CENPP: variants seen among roughly 807,000 people sequenced by gnomAD.
The protein encoded by CENPP is centromere protein P.
CENPP carries 24 observed loss-of-function variants against 35.6 expected under a neutral mutation model. The ratio of observed to expected loss-of-function variants is 0.67; its 90% CI spans 0.49 to 0.95. CENPP has a LOEUF of 0.95. CENPP is among the 40% of genes least tolerant of loss of function. CENPP has a pLI of 0.00. For missense variants in CENPP, 332 were observed against 345.3 expected, an observed-to-expected ratio of 0.96 and a Z score of 0.31; for synonymous variants, 120 against 125.5, an observed-to-expected ratio of 0.96 and a Z score of 0.29.
intron 5 of CENPP, chr9:92,501,075 A>G: frequency 4.4e-6 from 7 of 1,607,542 alleles, no homozygotes; most frequent in Non-Finnish European, 6.0e-6. Context: ...AAAAAAGTAA[A>G]CAGGGTAGGG....
At chr9:92,388,973 T>G (rs1449197346) in intron 5 of CENPP, among the ~76,000 whole-genome samples, 2 of 152,170 alleles carry the variant, frequency 1.3e-5, no homozygotes, top group African/African-American at 4.8e-5. Flanking sequence ...GATACCTTAA[T>G]TGTAATGAAA....
At chr9:92,487,053 ATT>A (rs1846076079) in intron 5 of CENPP, among the ~76,000 whole-genome samples, 1 of 152,198 alleles carries the variant, frequency 6.6e-6, no homozygotes, top group African/African-American at 2.4e-5. Context: ...AAGCGCTAGG[ATT>A]ACAGGTGTGC....
chr9:92,470,588 C>A, intron 5 of CENPP: 1 of 722,530 alleles, frequency 1.4e-6, no homozygotes, highest in Non-Finnish European at 2.1e-6. Context: ...CTTGTTTATA[C>A]TAACATAGTA....
rs185117251 is a variant in CENPP at position 92,407,832 on chromosome 9, C to T, written c.564+27973C>T. On this transcript the variant is annotated intron_variant, in intron 5 of 7. Transcript: ENST00000375587. ...CCTCTTATGTTACCCAGGCTGGTCT[C>T]GAACTTTTGACCTAAAGTGATCCAC... Among the ~76,000 whole-genome samples, 156 of 152,242 alleles carry T rather than the reference C, an allele frequency of 1.0e-3. 1 individual carries two copies. The highest frequency in any genetic ancestry group is 3.4e-3 in the Middle Eastern group (1 of 294).
intron 5 of CENPP, among the ~76,000 whole-genome samples, chr9:92,439,750 G>A (rs1535756): frequency 0.36 from 55,270 of 151,606 alleles, 12,318 homozygotes; most frequent in African/African-American, 0.63. Flanking sequence ...AGTCTTATTG[G>A]TCTGATCCCC....
chr9:92,382,956 T>C (rs1174899998), intron 5 of CENPP, among the ~76,000 whole-genome samples: 2 of 144,982 alleles, frequency 1.4e-5, no homozygotes, highest in Non-Finnish European at 3.0e-5. Context: ...TAGAGTGCAG[T>C]GATGCGATCT....
At chr9:92,492,642 C>T (rs181978870) in intron 5 of CENPP, among the ~76,000 whole-genome samples, 22 of 152,238 alleles carry the variant, frequency 1.4e-4, no homozygotes, top group Admixed American at 2.6e-4. Flanking sequence ...TGCCCTATAC[C>T]CTCCGGTTGA....
chr9:92,353,899 G>A (rs1588053478), intron 4 of CENPP, among the ~76,000 whole-genome samples: 1 of 152,182 alleles, frequency 6.6e-6, no homozygotes, highest in South Asian at 2.1e-4. Flanking sequence ...AGCATACATG[G>A]CCTTCTGGAG....
At chr9:92,486,099 G>A (rs1846051393) in intron 5 of CENPP, among the ~76,000 whole-genome samples, 1 of 152,174 alleles carries the variant, frequency 6.6e-6, no homozygotes, top group Non-Finnish European at 1.5e-5. Context: ...CAGGATAGGG[G>A]TGGGGGTGTC....
At chr9:92,408,514 C>T (rs1167908444) in intron 5 of CENPP, among the ~76,000 whole-genome samples, 2 of 152,156 alleles carry the variant, frequency 1.3e-5, no homozygotes, top group African/African-American at 4.8e-5. Context: ...CATGAACCTT[C>T]CCCTGACCTT....
At chr9:92,393,807 C>G (rs550098099) in intron 5 of CENPP, among the ~76,000 whole-genome samples, 1 of 147,904 alleles carries the variant, frequency 6.8e-6, no homozygotes, top group African/African-American at 2.5e-5. Context: ...GTTTAGTTTT[C>G]TTTTTCAGGG....
intron 5 of CENPP, among the ~76,000 whole-genome samples, chr9:92,607,330 T>G (rs1051769886): frequency 3.9e-5 from 6 of 152,192 alleles, no homozygotes; most frequent in African/African-American, 1.4e-4. Context: ...CAGAGTGTCT[T>G]TCAAAACAGA....
intron 5 of CENPP, chr9:92,424,545 C>CA (rs1325500816): frequency 3.3e-5 from 5 of 152,116 alleles, no homozygotes; most frequent in Admixed American, 2.6e-4. Flanking sequence ...GAAAGGCAAA[C>CA]AAAACTAAAT....
Position 92,593,618 on chromosome 9 carries a change from A to G in CENPP, c.565-17696A>G, listed in dbSNP as rs1850711986. Among the ~76,000 whole-genome samples the G allele has an allele frequency of 6.6e-6, 1 of 152,180 alleles. No individual in the cohort carries two copies. Among genetic ancestry groups the G allele is most frequent in the Non-Finnish European group, 1.5e-5 (1 of 68,022 alleles). On this transcript the variant is annotated intron_variant, in intron 5 of 7. Transcript: ENST00000375587. The surrounding 1 kb of genome is among the most constrained non-coding windows in gnomAD (Gnocchi z 4.1). ...CTTCTGTTATCTGTTTTGAGTTTTA[A>G]GTCAAGCCCATAATAAGCTGGTTCC...
At position 92,420,669 on chromosome 9, in the gene CENPP, G is replaced by A. The variant is rs117664619; in HGVS notation, c.564+40810G>A. Among the ~76,000 whole-genome samples, 1,283 of 151,836 alleles carry A rather than the reference G, an allele frequency of 8.4e-3. 8 individuals carry two copies. The highest frequency in any genetic ancestry group is 0.012 in the Non-Finnish European group (822 of 67,954). ...TCTTTTTTTTAAGTCAAGAAAATAG[G>A]ATCAAGATATCATTTATTTCTATTT... On this transcript the variant is annotated intron_variant, in intron 5 of 7. Coordinates refer to ENST00000375587, the MANE Select transcript of CENPP (RefSeq NM_001012267.3).
chr9:92,373,696 C>T (rs1478012321), intron 4 of CENPP, among the ~76,000 whole-genome samples: 1 of 151,962 alleles, frequency 6.6e-6, no homozygotes, highest in African/African-American at 2.4e-5. Flanking sequence ...CGTGGTGGTG[C>T]GTGCCTGTAC....
intron 5 of CENPP, among the ~76,000 whole-genome samples, chr9:92,393,561 TAA>T (rs1842774520): frequency 6.6e-6 from 1 of 152,190 alleles, no homozygotes; most frequent in African/African-American, 2.4e-5. Context: ...CTTGACTTAT[TAA>T]GTTTAATGTG....
chr9:92,412,977 T>C (rs1364238720), intron 5 of CENPP, among the ~76,000 whole-genome samples: 1 of 78,382 alleles, frequency 1.3e-5, no homozygotes, highest in Non-Finnish European at 3.6e-5. Flanking sequence ...TAACTAAGCT[T>C]TTTTTTTTTT....
At chr9:92,365,373 A>G (rs1360682910) in intron 4 of CENPP, among the ~76,000 whole-genome samples, 2 of 150,620 alleles carry the variant, frequency 1.3e-5, no homozygotes, top group East Asian at 2.0e-4. Flanking sequence ...AAATGTATCA[A>G]TGTATCAAAT....
Sources: allele counts gnomAD v4.1 joint callset (sites outside exome capture counted in the v4.1 genomes callset), GRCh38; gene constraint gnomAD v4.1.1; non-coding constraint Gnocchi (gnomAD v3.1); transcripts MANE v1.5; gene names NCBI Gene and HGNC (gene_info 2026-07-23, HGNC 2026-07-21).